The following TOX3 variants were observed in gnomAD, a reference collection of about 807,000 sequenced individuals.
TOX3 encodes TOX high mobility group box family member 3, also known as CAG trinucleotide repeat-containing gene F9 protein.
Under a neutral mutation model 64.3 loss-of-function variants are expected in TOX3, and 22 were observed. That is an observed-to-expected ratio of 0.34 (90% CI 0.24 to 0.49). The LOEUF is 0.49. Ranked by LOEUF, TOX3 falls within the 20% of genes least tolerant of loss-of-function variation. TOX3 has a pLI of 0.99. For synonymous variants in TOX3, 291 were observed against 273.6 expected (o/e 1.06, Z -0.63); for missense variants, 661 against 714.4 (o/e 0.93, Z 0.85).
At chr16:52,496,690 C>A (rs61405747) in intron 1 of TOX3, among the ~76,000 whole-genome samples, 8 of 152,078 alleles carry the variant, frequency 5.3e-5, no homozygotes, top group Non-Finnish European at 1.2e-4. Context: ...TTATGGGAAG[C>A]AAAATCAATT....
At chr16:52,461,277 T>TG (rs1177938013) in intron 3 of TOX3, among the ~76,000 whole-genome samples, 1 of 152,148 alleles carries the variant, frequency 6.6e-6, no homozygotes, top group Non-Finnish European at 1.5e-5. Context: ...AAAATACACG[T>TG]ATTCACGACA....
chr16:52,512,864 C>T (rs771442253), intron 1 of TOX3, among the ~76,000 whole-genome samples: 2 of 152,008 alleles, frequency 1.3e-5, no homozygotes, highest in South Asian at 2.1e-4. Context: ...AAAGTGAATG[C>T]CAAGAAGTGT....
intron 1 of TOX3, among the ~76,000 whole-genome samples, chr16:52,471,067 T>C (rs1297339880): frequency 6.6e-6 from 1 of 152,218 alleles, no homozygotes; most frequent in African/African-American, 2.4e-5. Context: ...TTAGATAATA[T>C]ACAGGACACC....
At position 52,437,529 on chromosome 16, in the gene TOX3, T is replaced by G. The variant is rs558402971; in HGVS notation, c.*1696A>C. The G allele has an allele frequency of 3.6e-4, 55 of 152,446 alleles. No individual in the cohort carries two copies. The highest frequency in any genetic ancestry group is 1.3e-3 in the African/African-American group (53 of 41,560). The allele number at this position is 152,446 out of a possible 1,614,324, so 9.4% of individuals were successfully genotyped here. ...AATTTGCAATTTTTATCAAGACCTCTTCATTATAGCTTCTGACAGGACAGA... is the reference window on the plus strand; with the variant it reads ...AATTTGCAATTTTTATCAAGACCTCGTCATTATAGCTTCTGACAGGACAGA... On this transcript the variant is annotated 3_prime_UTR_variant, in exon 7 of 7. Transcript: ENST00000219746.
At chr16:52,545,743 G>C (rs1177300496) in intron 1 of TOX3, among the ~76,000 whole-genome samples, 1 of 152,148 alleles carries the variant, frequency 6.6e-6, no homozygotes, top group Non-Finnish European at 1.5e-5. Context: ...TCGGCGCTGG[G>C]GGCTTCAGGG....
chr16:52,508,038 G>A (rs1429727629), intron 1 of TOX3, among the ~76,000 whole-genome samples: 2 of 152,136 alleles, frequency 1.3e-5, no homozygotes, highest in Non-Finnish European at 2.9e-5. Context: ...CCAAAATATC[G>A]AGCAGTTTTG....
intron 1 of TOX3, among the ~76,000 whole-genome samples, chr16:52,519,154 A>T (rs1459167625): frequency 6.6e-6 from 1 of 152,228 alleles, no homozygotes; most frequent in Non-Finnish European, 1.5e-5. Context: ...CACCAGACAG[A>T]TGGATGGGCT....
At chr16:52,446,266 A>C in intron 4 of TOX3, 45 bp from the exon 5 acceptor site, 1 of 1,575,060 alleles carries the variant, frequency 6.3e-7, no homozygotes, top group Non-Finnish European at 8.7e-7. Flanking sequence ...GTACTTGCAG[A>C]GAATGCAACA....
chr16:52,453,162 C>T (rs1273846214), intron 3 of TOX3, among the ~76,000 whole-genome samples: 1 of 150,818 alleles, frequency 6.6e-6, no homozygotes, highest in African/African-American at 2.4e-5. Context: ...TCTAAATTTT[C>T]GTCTTCATAT....
intron 3 of TOX3, among the ~76,000 whole-genome samples, chr16:52,462,436 G>C (rs1960719030): frequency 1.3e-5 from 2 of 151,982 alleles, no homozygotes. Flanking sequence ...TTTTATGGCA[G>C]CAATAACAGT....
At chr16:52,498,592 G>A (rs550089572) in intron 1 of TOX3, among the ~76,000 whole-genome samples, 1 of 152,122 alleles carries the variant, frequency 6.6e-6, no homozygotes, top group Non-Finnish European at 1.5e-5. Context: ...TGGGGTTGGG[G>A]GGGGGAGGCT....
At chr16:52,521,661 G>A (rs908604052) in intron 1 of TOX3, among the ~76,000 whole-genome samples, 1 of 152,300 alleles carries the variant, frequency 6.6e-6, no homozygotes, top group South Asian at 2.1e-4. Context: ...TGATCTCTCC[G>A]ATGATCCTGG....
chr16:52,450,589 C>T (rs1396032860), intron 3 of TOX3, 43 bp from the exon 4 acceptor site: 1 of 1,610,462 alleles, frequency 6.2e-7, no homozygotes, highest in African/African-American at 1.3e-5. Flanking sequence ...TCAGCTTTTC[C>T]AGATATCAGT....
intron 1 of TOX3, among the ~76,000 whole-genome samples, chr16:52,488,770 CAG>C (rs1228870631): frequency 6.6e-6 from 1 of 152,124 alleles, no homozygotes; most frequent in Non-Finnish European, 1.5e-5. Flanking sequence ...GATATACACA[CAG>C]AGAGAGACAT....
chr16:52,445,995 T>C lies in TOX3; in HGVS notation c.905A>G (p.Gln302Arg). The C allele has an allele frequency of 6.2e-7, 1 of 1,612,664 alleles. No homozygotes were observed. Among genetic ancestry groups the C allele is most frequent in the Non-Finnish European group, 8.5e-7 (1 of 1,178,728 alleles). The part of the protein sequence containing the change: ...MWDSLGEEQK[Q>R]VYKRKTEAAK... ...AGCCTTGATGGGTCTTTGTCTCACCTGCTTTTGTTCTTCTCCAAGGCTGTC... is the reference window on the plus strand; with the variant it reads ...AGCCTTGATGGGTCTTTGTCTCACCCGCTTTTGTTCTTCTCCAAGGCTGTC... The change falls in exon 5 of 7, where the codon CAG becomes CGG. Residue 302 changes from glutamine to arginine, a missense_variant and splice_region_variant. Transcript: ENST00000219746.
chr16:52,505,287 C>A (rs1365324457), intron 1 of TOX3, among the ~76,000 whole-genome samples: 1 of 152,174 alleles, frequency 6.6e-6, no homozygotes, highest in East Asian at 1.9e-4. Flanking sequence ...GCAATCAAAT[C>A]GAATCACATA....
At chr16:52,473,919 GTACA>G (rs1567324254) in intron 1 of TOX3, among the ~76,000 whole-genome samples, 2 of 152,024 alleles carry the variant, frequency 1.3e-5, no homozygotes, top group African/African-American at 4.8e-5. Context: ...TGCTAATTAT[GTACA>G]TACAATTATA....
chr16:52,525,094 T>A (rs1425787113), intron 1 of TOX3, among the ~76,000 whole-genome samples: 1 of 152,196 alleles, frequency 6.6e-6, no homozygotes, highest in Non-Finnish European at 1.5e-5. Context: ...GTCCTGACAA[T>A]CCCGTGCTTT....
intron 1 of TOX3, among the ~76,000 whole-genome samples, chr16:52,545,503 C>G (rs998879952): frequency 2.6e-5 from 4 of 152,232 alleles, no homozygotes; most frequent in Non-Finnish European, 5.9e-5. Flanking sequence ...GCAATTCCTC[C>G]TCTTCCTGTT....
Sources: allele counts gnomAD v4.1 joint callset (sites outside exome capture counted in the v4.1 genomes callset), GRCh38; gene constraint gnomAD v4.1.1; transcripts MANE v1.5; gene names NCBI Gene and HGNC (gene_info 2026-07-23, HGNC 2026-07-21).